COMMD10: variants seen among roughly 807,000 people sequenced by gnomAD.
COMMD10 encodes the protein COMM domain-containing protein 10.
A neutral mutation model predicts 28.9 loss-of-function variants in COMMD10; 33 were observed. The observed-to-expected ratio is 1.14, with a 90% CI of 0.87 to 1.53. The LOEUF is 1.53. Ranked by LOEUF, COMMD10 falls within the 40% of genes most tolerant of loss-of-function variation. The pLI, the probability that COMMD10 is intolerant of heterozygous loss-of-function variation, is 0.00. For missense variants in COMMD10, 310 were observed against 233.4 expected (o/e 1.33, Z -2.14); for synonymous variants, 110 against 81.7 (o/e 1.35, Z -1.87).
At chr5:116,142,711 T>C (rs1752231958) in intron 5 of COMMD10, among the ~76,000 whole-genome samples, 1 of 151,736 alleles carries the variant, frequency 6.6e-6, no homozygotes, top group Non-Finnish European at 1.5e-5. Flanking sequence ...TAGCGCCCCC[T>C]CTTTTAAACT....
rs552027674 is a variant in COMMD10, at chr5:116,276,461, C to A, written c.511-15056C>A. Among the ~76,000 whole-genome samples the A allele has an allele frequency of 5.3e-5, 8 of 151,750 alleles. No individual in the cohort carries two copies. The East Asian group carries it at 1.2e-3, about 22-fold the overall frequency. On this transcript the variant is annotated intron_variant, in intron 5 of 6. Transcript: ENST00000274458. ...CATTTTGCCAGGTTGGTCTCAAATT[C>A]CTGACCTCAGGTGATCCACCCACCT...
chr5:116,218,696 C>G (rs1296830879), intron 5 of COMMD10, among the ~76,000 whole-genome samples: 2 of 152,066 alleles, frequency 1.3e-5, no homozygotes, highest in East Asian at 1.9e-4. Context: ...GAAGCATTCT[C>G]TTGGTGAGGC....
intron 5 of COMMD10, among the ~76,000 whole-genome samples, chr5:116,243,453 CAGTT>C (rs1039245161): frequency 7.9e-5 from 12 of 152,050 alleles, no homozygotes; most frequent in African/African-American, 2.4e-4. Context: ...TTGAGGAAAA[CAGTT>C]AGAAATTATA....
intron 4 of COMMD10, among the ~76,000 whole-genome samples, chr5:116,104,625 T>C: frequency 6.6e-6 from 1 of 151,812 alleles, no homozygotes; most frequent in East Asian, 1.9e-4. Flanking sequence ...TTCTTTTTTT[T>C]CTTTTTTTTT....
chr5:116,149,069 T>C (rs62385179), intron 5 of COMMD10, among the ~76,000 whole-genome samples: 9,352 of 145,268 alleles, frequency 0.064, 402 homozygotes, highest in Admixed American at 0.13. Flanking sequence ...TTCTCATTGT[T>C]CAATTCCCAC....
intron 5 of COMMD10, among the ~76,000 whole-genome samples, chr5:116,240,374 G>T (rs990964865): frequency 5.3e-5 from 8 of 152,118 alleles, no homozygotes; most frequent in Non-Finnish European, 1.0e-4. Flanking sequence ...CCTGAAATCT[G>T]CCTGTCCCAA....
intron 5 of COMMD10, among the ~76,000 whole-genome samples, chr5:116,290,275 G>T (rs545889365): frequency 2.4e-4 from 37 of 151,958 alleles, no homozygotes; most frequent in Admixed American, 1.4e-3. Context: ...GACAGCCAAT[G>T]AATTTTTCTA....
At chr5:116,250,884 T>G (rs1429036001) in intron 5 of COMMD10, among the ~76,000 whole-genome samples, 2 of 152,014 alleles carry the variant, frequency 1.3e-5, no homozygotes, top group East Asian at 3.9e-4. Context: ...TGATTTCAGT[T>G]CTTCTGAGCA....
intron 5 of COMMD10, among the ~76,000 whole-genome samples, chr5:116,159,205 C>T (rs751438552): frequency 6.6e-6 from 1 of 152,156 alleles, no homozygotes; most frequent in African/African-American, 2.4e-5. Flanking sequence ...TGTAAGAACC[C>T]ACATGATCTA....
intron 5 of COMMD10, among the ~76,000 whole-genome samples, chr5:116,213,479 G>C (rs537195588): frequency 6.6e-6 from 1 of 152,274 alleles, no homozygotes; most frequent in African/African-American, 2.4e-5. Flanking sequence ...TATAGGGTCT[G>C]TGTTCAGAAG....
chr5:116,177,206 A>G (rs900904312), intron 5 of COMMD10, among the ~76,000 whole-genome samples: 1 of 152,082 alleles, frequency 6.6e-6, no homozygotes, highest in Non-Finnish European at 1.5e-5. Context: ...GGAGATGGGA[A>G]ACTTGGGAGG....
chr5:116,281,361 T>C (rs939537288), intron 5 of COMMD10, among the ~76,000 whole-genome samples: 1 of 151,752 alleles, frequency 6.6e-6, no homozygotes, highest in Non-Finnish European at 1.5e-5. Flanking sequence ...ATTATCTAGG[T>C]ACTCATAGAT....
chr5:116,292,406 G>T, intron 6 of COMMD10, 45 bp from the exon 7 acceptor site: 4 of 1,385,096 alleles, frequency 2.9e-6, no homozygotes, highest in South Asian at 1.5e-5. Flanking sequence ...TATGAGTTTC[G>T]TTCCCTTCAC....
chr5:116,165,684 C>T (rs1173831754), intron 5 of COMMD10, among the ~76,000 whole-genome samples: 2 of 151,084 alleles, frequency 1.3e-5, no homozygotes, highest in Non-Finnish European at 2.9e-5. Context: ...TCTGGTGTCT[C>T]TTATTGTTTC....
At chr5:116,201,244 TC>T (rs1371141501) in intron 5 of COMMD10, among the ~76,000 whole-genome samples, 1 of 152,202 alleles carries the variant, frequency 6.6e-6, no homozygotes, top group Non-Finnish European at 1.5e-5. Flanking sequence ...CACAGAGTGA[TC>T]CGGCATATTT....
At position 116,251,590 on chromosome 5, in the gene COMMD10, A is replaced by G. The variant is rs1289318865; in HGVS notation, c.511-39927A>G. ...TAGTTTACTGAGAATGATGATTTCC[A>G]ATTTCATCCATGTCCCTACAAAGGA... On this transcript the variant is annotated intron_variant, in intron 5 of 6. Coordinates refer to ENST00000274458, the MANE Select transcript of COMMD10 (RefSeq NM_016144.4). Among the ~76,000 whole-genome samples the G allele has an allele frequency of 2.6e-5, 4 of 151,030 alleles. No homozygotes were observed. In the East Asian group the frequency reaches 7.8e-4, roughly 30 times the overall value.
Position 116,161,449 on chromosome 5 carries a change from C to T in COMMD10, c.510+27271C>T, listed in dbSNP as rs112975748. 2.1e-3 allele frequency among the ~76,000 whole-genome samples: 312 copies of T among 151,864 alleles called. 3 individuals carry two copies. The highest frequency in any genetic ancestry group is 7.1e-3 in the African/African-American group (294 of 41,426). ...AGTGCAGTTGACCCTTGAACAATAC[C>T]GGGTCTAGGGGTACCAGCCCCTGTG... is the stretch of plus-strand genomic sequence containing the variant. On this transcript the variant is annotated intron_variant, in intron 5 of 6. Coordinates refer to ENST00000274458, the MANE Select transcript of COMMD10 (RefSeq NM_016144.4).
intron 5 of COMMD10, among the ~76,000 whole-genome samples, chr5:116,149,914 G>C (rs62385210): frequency 1.7e-4 from 26 of 151,480 alleles, no homozygotes; most frequent in Non-Finnish European, 3.4e-4. Flanking sequence ...TGGTGTTTTA[G>C]ACATGAAGTC....
At chr5:116,104,374 G>A (rs1232987095) in intron 4 of COMMD10, among the ~76,000 whole-genome samples, 1 of 152,130 alleles carries the variant, frequency 6.6e-6, no homozygotes, top group Non-Finnish European at 1.5e-5. Flanking sequence ...TCCCTTGTAA[G>A]TTGGATTCCT....
Sources: gnomAD v4.1 joint callset for allele counts (sites outside exome capture counted in the v4.1 genomes callset) on GRCh38, gnomAD v4.1.1 for gene constraint, MANE v1.5 for transcripts, NCBI Gene and HGNC (gene_info 2026-07-23, HGNC 2026-07-21) for gene names.